Variants in TUSC3 observed in about 807,000 individuals in gnomAD.
The protein encoded by TUSC3 is dolichyl-diphosphooligosaccharide--protein glycosyltransferase subunit TUSC3.
TUSC3 carries 45 observed loss-of-function variants against 44.8 expected under a neutral mutation model. The ratio of observed to expected loss-of-function variants is 1.00; its 90% CI spans 0.79 to 1.29. The LOEUF (loss-of-function observed/expected upper bound fraction) is 1.29, where lower values mean the gene tolerates loss of function less well. Among genes scored for constraint, TUSC3 ranks in the 50% most tolerant of loss-of-function variants. The pLI is 0.00. For synonymous variants in TUSC3, 212 were observed against 152.9 expected, an observed-to-expected ratio of 1.39 and a Z score of -2.85; for missense variants, 519 against 437.9, an observed-to-expected ratio of 1.19 and a Z score of -1.65.
At position 15,720,199 on chromosome 8, in the gene TUSC3, T is replaced by TAC. The variant is rs1278052451; in HGVS notation, c.799-10466_799-10465insCA. 2.5e-3 allele frequency among the ~76,000 whole-genome samples: 254 copies of TAC among 100,884 alleles called. 1 individual carries two copies. Among genetic ancestry groups the TAC allele is most frequent in the South Asian group, 0.021 (55 of 2,574 alleles). The allele number at this position is 100,884 out of a possible 152,430, so 66.2% of individuals were successfully genotyped here. A position where few individuals can be genotyped will look rare whatever the true frequency, so the allele number is the denominator to read the frequency against. ...CATTGTTAAATATAGTGTATATATA[T>TAC]ATACACACACACACACACACACACA... On this transcript the variant is annotated intron_variant, in intron 6 of 10. Coordinates refer to ENST00000503731, the MANE Select transcript of TUSC3 (RefSeq NM_006765.4).
At chr8:15,733,307 G>GCC in intron 7 of TUSC3, 1 of 361,116 alleles carries the variant, frequency 2.8e-6, no homozygotes, top group Admixed American at 4.0e-5. Flanking sequence ...ATTTGTTGCA[G>GCC]GTAAGTTTTT....
chr8:15,843,000 A>C, the TUSC3 span, among the ~76,000 whole-genome samples: 2 of 152,316 alleles, frequency 1.3e-5, no homozygotes, highest in East Asian at 1.9e-4. Context: ...AGTAATTTGT[A>C]GCAACCACAG....
the TUSC3 span, among the ~76,000 whole-genome samples, chr8:15,845,362 T>G: frequency 6.6e-6 from 1 of 152,012 alleles, no homozygotes; most frequent in African/African-American, 2.4e-5. Flanking sequence ...CAATAAGGAG[T>G]TTCAGAAAAT....
chr8:15,486,551 T>C (rs1306068976), intron 2 of TUSC3, among the ~76,000 whole-genome samples: 1 of 152,080 alleles, frequency 6.6e-6, no homozygotes, highest in African/African-American at 2.4e-5. Context: ...TTCAAATGAT[T>C]ATTCTGCCTC....
At chr8:15,753,094 A>C (rs943155985) in intron 9 of TUSC3, among the ~76,000 whole-genome samples, 1 of 151,978 alleles carries the variant, frequency 6.6e-6, no homozygotes, top group African/African-American at 2.4e-5. Context: ...GTTTACATAG[A>C]TGTGATTCCC....
intron 1 of TUSC3, among the ~76,000 whole-genome samples, chr8:15,438,224 A>G (rs1355373753): frequency 6.6e-6 from 1 of 152,096 alleles, no homozygotes; most frequent in Non-Finnish European, 1.5e-5. Context: ...CCTCCCAAGC[A>G]GCTAGGATTA....
intron 2 of TUSC3, among the ~76,000 whole-genome samples, chr8:15,638,455 A>T (rs568987957): frequency 4.0e-4 from 61 of 150,634 alleles, no homozygotes; most frequent in Middle Eastern, 3.5e-3. Context: ...TGTAGGAGAA[A>T]TTGGAATCTG....
intron 1 of TUSC3, among the ~76,000 whole-genome samples, chr8:15,612,157 T>C (rs1045611864): frequency 2.0e-5 from 3 of 152,198 alleles, no homozygotes; most frequent in African/African-American, 7.2e-5. Context: ...AGTTTTATTA[T>C]GGCTATTTTG....
intron 5 of TUSC3, among the ~76,000 whole-genome samples, chr8:15,668,325 A>G (rs1807772246): frequency 6.6e-6 from 1 of 151,670 alleles, no homozygotes; most frequent in South Asian, 2.1e-4. Context: ...ATCTTAACTT[A>G]CATATTCACA....
chr8:15,496,472 A>G (rs1364419381), intron 2 of TUSC3, among the ~76,000 whole-genome samples: 1 of 152,202 alleles, frequency 6.6e-6, no homozygotes, highest in Non-Finnish European at 1.5e-5. Flanking sequence ...AATATTGGCC[A>G]TCTTGATCAA....
At chr8:15,477,673 G>A (rs1800597693) in intron 1 of TUSC3, among the ~76,000 whole-genome samples, 1 of 152,096 alleles carries the variant, frequency 6.6e-6, no homozygotes, top group African/African-American at 2.4e-5. Context: ...AGTGAGCCAA[G>A]ATTGTGTACT....
chr8:15,599,912 A>G (rs1010156437), intron 1 of TUSC3, among the ~76,000 whole-genome samples: 3 of 151,598 alleles, frequency 2.0e-5, no homozygotes, highest in African/African-American at 7.3e-5. Context: ...TACTTCTCCA[A>G]ATAAACTTTG....
At chr8:15,820,125 CTTTA>C in the TUSC3 span, among the ~76,000 whole-genome samples, 1 of 152,076 alleles carries the variant, frequency 6.6e-6, no homozygotes, top group African/African-American at 2.4e-5. Context: ...TATCCCACTT[CTTTA>C]TTCTGTTAAT....
rs2729620 is a variant in TUSC3, at chr8:15,661,208, C to A, written c.568-948C>A. Reference sequence around the variant, plus strand: ...TTCATAGGTTTACATTTACATAATACTTTTATTTGAGCTACCACTACCCAT... The same window carrying A: ...TTCATAGGTTTACATTTACATAATAATTTTATTTGAGCTACCACTACCCAT... On this transcript the variant is annotated intron_variant, in intron 4 of 10. Transcript: ENST00000503731. Among the ~76,000 whole-genome samples the A allele has an allele frequency of 5.8e-3, 886 of 152,074 alleles. 10 individuals carry two copies. The highest frequency in any genetic ancestry group is 0.02 in the African/African-American group (827 of 41,550).
intron 1 of TUSC3, among the ~76,000 whole-genome samples, chr8:15,448,568 A>G (rs1800143008): frequency 6.6e-6 from 1 of 152,218 alleles, no homozygotes; most frequent in African/African-American, 2.4e-5. Flanking sequence ...TAAAAAGTGT[A>G]TGATGTAGAA....
chr8:15,703,144 A>G (rs1809475461), intron 6 of TUSC3, among the ~76,000 whole-genome samples: 1 of 152,154 alleles, frequency 6.6e-6, no homozygotes, highest in African/African-American at 2.4e-5. Flanking sequence ...GCTTGCTATT[A>G]TTAGGGAAGA....
At chr8:15,628,246 CTAAG>C (rs1293954285) in intron 2 of TUSC3, among the ~76,000 whole-genome samples, 1 of 151,984 alleles carries the variant, frequency 6.6e-6, no homozygotes, top group Non-Finnish European at 1.5e-5. Flanking sequence ...ATTTTATTAT[CTAAG>C]TATTTATTTC....
intron 6 of TUSC3, among the ~76,000 whole-genome samples, chr8:15,706,643 G>A (rs1275264294): frequency 1.3e-5 from 2 of 151,934 alleles, no homozygotes; most frequent in African/African-American, 4.8e-5. Context: ...ACTGAAATGT[G>A]GATTTTAATA....
At chr8:15,498,894 T>C (rs770899941) in intron 2 of TUSC3, among the ~76,000 whole-genome samples, 3 of 152,248 alleles carry the variant, frequency 2.0e-5, no homozygotes, top group Non-Finnish European at 4.4e-5. Context: ...AATTCTTATA[T>C]CCCATATTAC....
Sources: gnomAD v4.1 joint callset for allele counts (sites outside exome capture counted in the v4.1 genomes callset) on GRCh38, gnomAD v4.1.1 for gene constraint, MANE v1.5 for transcripts, NCBI Gene and HGNC (gene_info 2026-07-23, HGNC 2026-07-21) for gene names.